The following CDH12 variants were observed in gnomAD, a reference collection of about 807,000 sequenced individuals.
CDH12 encodes cadherin 12.
In CDH12, 41 loss-of-function variants were observed where a neutral mutation model predicts 74.1. The ratio of observed to expected loss-of-function variants is 0.55; its 90% confidence interval spans 0.43 to 0.72. The LOEUF (loss-of-function observed/expected upper bound fraction) is 0.72. Among genes scored for constraint, CDH12 ranks in the 30% least tolerant of loss-of-function variants. The pLI is 0.00. For synonymous variants in CDH12, 399 were observed against 355.0 expected (o/e 1.12, Z -1.39); for missense variants, 945 against 977.2 (o/e 0.97, Z 0.44).
At chr5:22,575,625 T>A (rs971503615) in intron 1 of CDH12, among the ~76,000 whole-genome samples, 1 of 152,220 alleles carries the variant, frequency 6.6e-6, no homozygotes, top group Non-Finnish European at 1.5e-5. Flanking sequence ...AGTGCACTGT[T>A]GCGATCTCGG....
At chr5:21,875,776 T>C (rs1484403874) in intron 6 of CDH12, among the ~76,000 whole-genome samples, 1 of 152,192 alleles carries the variant, frequency 6.6e-6, no homozygotes, top group Non-Finnish European at 1.5e-5. Flanking sequence ...AGTACTATGA[T>C]TGGAGCATTC....
At chr5:22,832,931 T>C (rs1448374080) in intron 1 of CDH12, among the ~76,000 whole-genome samples, 2 of 152,188 alleles carry the variant, frequency 1.3e-5, no homozygotes, top group African/African-American at 2.4e-5. Context: ...GTGTTTTTAT[T>C]TAAATTTTTA....
At chr5:22,266,470 G>C (rs530069173) in intron 3 of CDH12, among the ~76,000 whole-genome samples, 8 of 152,148 alleles carry the variant, frequency 5.3e-5, no homozygotes, top group African/African-American at 1.9e-4. Flanking sequence ...ATAGATGGCA[G>C]GATATTGGAA....
At chr5:22,674,594 T>A (rs1046893838) in intron 1 of CDH12, among the ~76,000 whole-genome samples, 1 of 151,966 alleles carries the variant, frequency 6.6e-6, no homozygotes, top group African/African-American at 2.4e-5. Context: ...CAGGCAGAAG[T>A]TGGAACAGTT....
At chr5:22,732,463 T>TAC (rs1158995154) in intron 1 of CDH12, among the ~76,000 whole-genome samples, 1 of 98,324 alleles carries the variant, frequency 1.0e-5, no homozygotes, top group African/African-American at 4.5e-5. Context: ...TGTGTATATA[T>TAC]ATATATATAC....
At chr5:22,106,075 C>T (rs182067309) in intron 4 of CDH12, among the ~76,000 whole-genome samples, 34 of 152,100 alleles carry the variant, frequency 2.2e-4, no homozygotes, top group Admixed American at 2.6e-4. Context: ...TTGTTCTTTC[C>T]ATGAAGATTT....
intron 2 of CDH12, among the ~76,000 whole-genome samples, chr5:22,428,204 T>C (rs1401499858): frequency 0.013 from 365 of 27,416 alleles, no homozygotes; most frequent in African/African-American, 0.086. Context: ...TGTATATATA[T>C]ATACACACAC....
chr5:22,090,869 A>C (rs1461901043), intron 4 of CDH12, among the ~76,000 whole-genome samples: 1 of 152,066 alleles, frequency 6.6e-6, no homozygotes, highest in Non-Finnish European at 1.5e-5. Context: ...TGTATTTGAT[A>C]ATTTTCAATA....
At chr5:22,497,418 A>C (rs1747142515) in intron 2 of CDH12, among the ~76,000 whole-genome samples, 1 of 151,892 alleles carries the variant, frequency 6.6e-6, no homozygotes, top group Non-Finnish European at 1.5e-5. Context: ...ATCTTGTCTC[A>C]ACCTTCCTTC....
intron 6 of CDH12, among the ~76,000 whole-genome samples, chr5:21,880,612 C>CTCTCTCTCTTTCT (rs1561268318): frequency 3.3e-4 from 23 of 69,930 alleles, no homozygotes; most frequent in African/African-American, 1.4e-3. Flanking sequence ...TCCTTCCTTC[C>CTCTCTCTCTTTCT]TTCCTTCTTT....
chr5:22,715,339 T>G (rs987825316), intron 1 of CDH12, among the ~76,000 whole-genome samples: 2 of 152,228 alleles, frequency 1.3e-5, no homozygotes, highest in African/African-American at 4.8e-5. Flanking sequence ...ACAATCTAAG[T>G]CAGTCCCATC....
At position 22,156,984 on chromosome 5, in the gene CDH12, T is replaced by G. The variant is rs571110728; in HGVS notation, c.-187+55514A>C. 3.3e-5 allele frequency among the ~76,000 whole-genome samples: 5 copies of G among 152,264 alleles called. No individual in the cohort carries two copies. In the South Asian group the frequency reaches 1.0e-3, roughly 32 times the overall value. On this transcript the variant is annotated intron_variant, in intron 4 of 14. Transcript: ENST00000382254. ...AAAAGCATGTATTTTCCAACAAGTC[T>G]CTATGCTATCTGAACTCTAGTATTA...
At chr5:22,250,469 G>A (rs1753099894) in intron 3 of CDH12, among the ~76,000 whole-genome samples, 1 of 152,046 alleles carries the variant, frequency 6.6e-6, no homozygotes, top group Admixed American at 6.6e-5. Flanking sequence ...CGTGGATATC[G>A]CCTTTTCTAA....
At chr5:22,523,924 A>G (rs1349454064) in intron 1 of CDH12, among the ~76,000 whole-genome samples, 1 of 151,818 alleles carries the variant, frequency 6.6e-6, no homozygotes, top group Non-Finnish European at 1.5e-5. Context: ...CAAATTCTCA[A>G]ATGTGTTTTA....
chr5:22,096,575 C>T (rs536884335), intron 4 of CDH12, among the ~76,000 whole-genome samples: 1 of 152,192 alleles, frequency 6.6e-6, no homozygotes, highest in Non-Finnish European at 1.5e-5. Context: ...CTCCTCACAC[C>T]TGGTCCGGCT....
chr5:22,824,895 C>A (rs537234467), intron 1 of CDH12, among the ~76,000 whole-genome samples: 55 of 151,216 alleles, frequency 3.6e-4, no homozygotes, highest in African/African-American at 1.3e-3. Context: ...ATATGTTTGT[C>A]CAAAATTTAT....
chr5:22,018,980 A>T (rs1336213226), intron 5 of CDH12, among the ~76,000 whole-genome samples: 1 of 151,912 alleles, frequency 6.6e-6, no homozygotes, highest in Non-Finnish European at 1.5e-5. Context: ...GAATTGCTTG[A>T]ACCTGGGAGG....
Position 22,078,866 on chromosome 5 carries a change from T to TGAAATA in CDH12, c.-186-10_-186-5dup, listed in dbSNP as rs1742519749. ...ATTATATTCCATCTAAAGGGGCCTATGAAATAGATGAACAAAGATACATTA... is the reference window on the plus strand; with the variant it reads ...ATTATATTCCATCTAAAGGGGCCTATGAAATAGAAATAGATGAACAAAGATACATTA... On this transcript the variant is annotated splice_polypyrimidine_tract_variant and splice_region_variant and intron_variant, in intron 4 of 14. Coordinates refer to ENST00000382254, the MANE Select transcript of CDH12 (RefSeq NM_004061.5). 1.5e-6 allele frequency: 2 copies of TGAAATA among 1,326,738 alleles called. No homozygotes were observed. Among genetic ancestry groups the TGAAATA allele is most frequent in the East Asian group, 5.5e-5 (2 of 36,672 alleles). 82.2% of individuals were successfully genotyped at this position (1,326,738 alleles called of 1,614,324 possible). A position where few individuals can be genotyped will look rare whatever the true frequency, so the allele number is the denominator to read the frequency against.
chr5:21,879,794 A>G (rs554267941), intron 6 of CDH12, among the ~76,000 whole-genome samples: 1 of 152,318 alleles, frequency 6.6e-6, no homozygotes. Flanking sequence ...TTTATGACCC[A>G]GCCAAAGAGA....
Sources: gnomAD v4.1 joint callset for allele counts (sites outside exome capture counted in the v4.1 genomes callset) on GRCh38, gnomAD v4.1.1 for gene constraint, MANE v1.5 for transcripts, NCBI Gene and HGNC (gene_info 2026-07-23, HGNC 2026-07-21) for gene names.